The following CHL1 variants were observed in gnomAD, a reference collection of about 807,000 sequenced individuals.
CHL1 encodes the protein cell adhesion molecule L1 like, also known as neural cell adhesion molecule L1-like protein.
A neutral mutation model predicts 141.9 loss-of-function variants in CHL1; 96 were observed. The ratio of observed to expected loss-of-function variants is 0.68; its 90% CI spans 0.57 to 0.80. CHL1 has a LOEUF of 0.80. CHL1 is among the 30% of genes least tolerant of loss of function. The pLI, the probability that CHL1 is intolerant of heterozygous loss-of-function variation, is 0.00. For missense variants in CHL1, 1,820 were observed against 1,457.2 expected, an observed-to-expected ratio of 1.25 and a Z score of -4.05; for synonymous variants, 613 against 502.2, an observed-to-expected ratio of 1.22 and a Z score of -2.95.
chr3:397,385 A>G (rs1314775650), intron 24 of CHL1, among the ~76,000 whole-genome samples: 2 of 152,004 alleles, frequency 1.3e-5, no homozygotes, highest in East Asian at 3.9e-4. Flanking sequence ...TGAAATATTG[A>G]TCTGTAACAT....
At chr3:368,924 G>C (rs986702451) in intron 15 of CHL1, among the ~76,000 whole-genome samples, 1 of 152,218 alleles carries the variant, frequency 6.6e-6, no homozygotes, top group Non-Finnish European at 1.5e-5. Context: ...TGTTATTTTT[G>C]AGGTCTCTGT....
intron 5 of CHL1, among the ~76,000 whole-genome samples, chr3:335,354 T>C (rs1199870681): frequency 6.6e-6 from 1 of 152,222 alleles, no homozygotes; most frequent in East Asian, 1.9e-4. Flanking sequence ...TGTCCTTCCT[T>C]AGCATGAATT....
At chr3:400,779 G>A (rs1709060766) in intron 26 of CHL1, among the ~76,000 whole-genome samples, 2 of 151,786 alleles carry the variant, frequency 1.3e-5, no homozygotes, top group Non-Finnish European at 2.9e-5. Context: ...TCCAGCCTGG[G>A]CGACAGAGTG....
At chr3:225,906 G>A (rs1337226583) in intron 1 of CHL1, among the ~76,000 whole-genome samples, 1 of 151,724 alleles carries the variant, frequency 6.6e-6, no homozygotes, top group Non-Finnish European at 1.5e-5. Flanking sequence ...CTACTCGGGG[G>A]GCTGAGGCAG....
At position 409,275 on chromosome 3, in the gene CHL1, T is replaced by G. The variant is rs1484276495; in HGVS notation, c.*3564T>G. On this transcript the variant is annotated 3_prime_UTR_variant, in exon 28 of 28. Coordinates refer to ENST00000256509, the MANE Select transcript of CHL1 (RefSeq NM_006614.4). ...CTTTTTCTTTTGGCTTGGATTAATATTCATAGTAGAACTTTATAAAACGTG... is the reference window on the plus strand; with the variant it reads ...CTTTTTCTTTTGGCTTGGATTAATAGTCATAGTAGAACTTTATAAAACGTG... 1 of 152,122 alleles carries G rather than the reference T, an allele frequency of 6.6e-6. No homozygotes were observed. The highest frequency in any genetic ancestry group is 1.5e-5 in the Non-Finnish European group (1 of 67,996). 9.4% of individuals were successfully genotyped at this position (152,122 alleles called of 1,614,324 possible).
At chr3:345,634 C>T (rs997462021) in intron 9 of CHL1, among the ~76,000 whole-genome samples, 47 of 152,110 alleles carry the variant, frequency 3.1e-4, no homozygotes, top group African/African-American at 1.0e-3. Context: ...CAGGTGTGTG[C>T]CACCACACCT....
At chr3:228,083 A>G (rs1701519810) in intron 1 of CHL1, among the ~76,000 whole-genome samples, 1 of 152,202 alleles carries the variant, frequency 6.6e-6, no homozygotes, top group African/African-American at 2.4e-5. Flanking sequence ...TGCCTAATGG[A>G]ATTGATCTAC....
chr3:404,652 T>A (rs931448783), intron 27 of CHL1, among the ~76,000 whole-genome samples: 5 of 152,186 alleles, frequency 3.3e-5, no homozygotes, highest in Non-Finnish European at 7.3e-5. Context: ...TAAAGAAAGT[T>A]ATTTGGTTTC....
rs545931503 is a variant in CHL1 at position 332,962 on chromosome 3, A to G, written c.385+4608A>G. Among the ~76,000 whole-genome samples the G allele has an allele frequency of 2.6e-5, 4 of 152,070 alleles. No individual in the cohort carries two copies. The South Asian group carries it at 8.3e-4, about 32-fold the overall frequency. ...AAGGAGCGGCAGAATTTGGTTTAAG[A>G]TTCTGCAATTAAAGGATTTCAGTTT... On this transcript the variant is annotated intron_variant, in intron 5 of 27. Transcript: ENST00000256509.
intron 5 of CHL1, among the ~76,000 whole-genome samples, chr3:330,091 A>G (rs376015584): frequency 6.6e-6 from 1 of 152,130 alleles, no homozygotes. Context: ...GAGTTTTTTC[A>G]TACACATGGG....
At position 391,212 on chromosome 3, in the gene CHL1, A is replaced by G. The variant is rs548671716; in HGVS notation, c.2791+53A>G. ...TCAAAAATGGAGGTGATCCATGGCC[A>G]TATTAAACATTCTTCCTTATGGCCA... On this transcript the variant is annotated intron_variant, in intron 22 of 27. Transcript: ENST00000256509. 5.4e-5 allele frequency: 74 copies of G among 1,382,840 alleles called. No homozygotes were observed. In the East Asian group the frequency reaches 1.2e-3, roughly 23 times the overall value. The allele number at this position is 1,382,840 out of a possible 1,614,324, so 85.7% of individuals were successfully genotyped here. A position where few individuals can be genotyped will look rare whatever the true frequency, so the allele number is the denominator to read the frequency against.
chr3:339,159 T>A (rs1337255603), intron 5 of CHL1, among the ~76,000 whole-genome samples: 1 of 152,228 alleles, frequency 6.6e-6, no homozygotes, highest in Non-Finnish European at 1.5e-5. Flanking sequence ...CAGTGTTTAC[T>A]GGGCTTAAGT....
At position 342,998 on chromosome 3, in the gene CHL1, G is replaced by A. The variant is rs530052103; in HGVS notation, c.694G>A (p.Asp232Asn). 1.9e-6 allele frequency: 3 copies of A among 1,608,742 alleles called. No individual in the cohort carries two copies. In the Admixed American group the frequency reaches 5.1e-5, roughly 27 times the overall value. ...TTTTATTTCAGTAAAGCATGCTAAT[G>A]ACTCAAGTTCATCCACAGAAATTGG... ...LTVNSLKHANDSSSSTEIGSK... is the reference protein window; with the variant it reads ...LTVNSLKHANNSSSSTEIGSK... The change falls in exon 8 of 28, where the codon GAC (aspartate) becomes AAC (asparagine). Residue 232 changes from aspartate to asparagine, a missense_variant. Asp to Asn is a conservative substitution (Grantham distance 23). Transcript: ENST00000256509.
chr3:252,213 T>C lies in CHL1; in HGVS notation c.-95+7521T>C, dbSNP rs1346481222. Among the ~76,000 whole-genome samples the C allele has an allele frequency of 2.0e-5, 3 of 151,410 alleles. No individual in the cohort carries two copies. The East Asian group carries it at 5.8e-4, about 29-fold the overall frequency. On this transcript the variant is annotated intron_variant, in intron 2 of 27. Transcript: ENST00000256509. ...CTTGTTACTTATTTAAACATAAAAA[T>C]ATTTAGTTTGATTGGAGCCTCTTCT...
intron 5 of CHL1, among the ~76,000 whole-genome samples, chr3:331,917 T>A (rs1216608592): frequency 6.6e-6 from 1 of 152,030 alleles, no homozygotes; most frequent in Non-Finnish European, 1.5e-5. Context: ...TATCAGAAAA[T>A]CCAAAAGTAA....
At chr3:339,493 T>C (rs1038977043) in intron 5 of CHL1, among the ~76,000 whole-genome samples, 1 of 152,072 alleles carries the variant, frequency 6.6e-6, no homozygotes, top group Non-Finnish European at 1.5e-5. Flanking sequence ...ATAGAACGAG[T>C]TGAGCAAGAG....
intron 11 of CHL1, among the ~76,000 whole-genome samples, chr3:357,223 C>T (rs1703800386): frequency 6.6e-6 from 1 of 152,190 alleles, no homozygotes; most frequent in South Asian, 2.1e-4. Flanking sequence ...ACTTGTTGCC[C>T]TGCAAACAGG....
chr3:231,271 A>T (rs184125531), intron 1 of CHL1, among the ~76,000 whole-genome samples: 45 of 152,252 alleles, frequency 3.0e-4, no homozygotes, highest in Middle Eastern at 3.4e-3. Context: ...GTGATTTCCC[A>T]TAATTAAGGC....
Position 344,704 on chromosome 3 carries a change from A to C in CHL1, c.843A>C (p.Glu281Asp). The C allele has an allele frequency of 6.2e-7, 1 of 1,613,638 alleles. No individual in the cohort carries two copies. The highest frequency in any genetic ancestry group is 8.5e-7 in the Non-Finnish European group (1 of 1,179,774). ...TCTTGCTGCTTGAGTGTTTTGCTGAAGGCTTGTGAGTAACCTGACTCTCAC... is the reference window on the plus strand; with the variant it reads ...TCTTGCTGCTTGAGTGTTTTGCTGACGGCTTGTGAGTAACCTGACTCTCAC... ...GEILLLECFA[E>D]GLPTPQVDWN... The change falls in exon 9 of 28, where the codon GAA becomes GAC. Residue 281 changes from glutamate (E) to aspartate (D), a missense_variant. Coordinates refer to ENST00000256509, the MANE Select transcript of CHL1 (RefSeq NM_006614.4).
Sources: allele counts gnomAD v4.1 joint callset (sites outside exome capture counted in the v4.1 genomes callset), GRCh38; gene constraint gnomAD v4.1.1; transcripts MANE v1.5; gene names NCBI Gene and HGNC (gene_info 2026-07-23, HGNC 2026-07-21).